The following SYT7 variants were observed in gnomAD, a reference collection of about 807,000 sequenced individuals.
The protein encoded by SYT7 is synaptotagmin-7.
In SYT7, 29 loss-of-function variants were observed where a neutral mutation model predicts 75.1. The ratio of observed to expected loss-of-function variants is 0.39; its 90% confidence interval spans 0.29 to 0.53. SYT7 has a LOEUF of 0.53. Ranked by LOEUF, SYT7 falls within the 20% of genes least tolerant of loss-of-function variation. SYT7 has a pLI of 0.77. For synonymous variants in SYT7, 376 were observed against 401.7 expected (o/e 0.94, Z 0.76); for missense variants, 693 against 953.2 (o/e 0.73, Z 3.59).
rs760812722 is a variant in SYT7, at chr11:61,523,920, A to G, written c.1663T>C (p.Leu555=). Residue 555 remains leucine (L), a synonymous_variant, in exon 11 of 13, where the codon TTG becomes CTG. Transcript: ENST00000539008. The surrounding 1 kb of genome is among the most constrained non-coding windows in gnomAD (Gnocchi z 5.0). ...GCAGAGGGGTTGTAGCAGAGAGACA[A>G]GAGCAGCTCCCCTCGGCTCCCCTGG... ...DGSGSRGELL[L]SLCYNPSANS... The G allele has an allele frequency of 1.2e-6, 2 of 1,613,886 alleles. No homozygotes were observed. The highest frequency in any genetic ancestry group is 1.7e-5 in the Admixed American group (1 of 59,988).
In SYT7 at chr11:61,517,828, G is replaced by A. The variant is rs2062186656; in HGVS notation, c.*799C>T. On this transcript the variant is annotated 3_prime_UTR_variant, in exon 13 of 13. Coordinates refer to ENST00000539008, the MANE Select transcript of SYT7 (RefSeq NM_001365809.2). ...TACTTCAGATTCTGAGCAGAGGGGG[G>A]CACCAAGGGGAGAAGGGGAGGAGAC... 1 of 209,118 alleles carries A rather than the reference G, an allele frequency of 4.8e-6. No individual in the cohort carries two copies. The highest frequency in any genetic ancestry group is 5.9e-5 in the Admixed American group (1 of 16,848). The allele number at this position is 209,118 out of a possible 1,614,324, so 13.0% of individuals were successfully genotyped here.
intron 1 of SYT7, among the ~76,000 whole-genome samples, chr11:61,562,064 A>G (rs529417306): frequency 8.1e-5 from 12 of 148,848 alleles, no homozygotes; most frequent in South Asian, 2.1e-4. Flanking sequence ...ACACACACAC[A>G]CACGCACGCA....
chr11:61,561,502 C>G (rs975556870), intron 1 of SYT7, among the ~76,000 whole-genome samples: 1 of 152,190 alleles, frequency 6.6e-6, no homozygotes, highest in Non-Finnish European at 1.5e-5. Flanking sequence ...ATGCCACCCC[C>G]CAAGGAGATC....
intron 8 of SYT7, chr11:61,530,904 T>C: frequency 2.0e-6 from 2 of 985,404 alleles, no homozygotes; most frequent in Non-Finnish European, 2.4e-6. Flanking sequence ...GGGAAGGTGC[T>C]TCCTGAGCGC....
At chr11:61,579,874 G>T (rs2064197465) in intron 1 of SYT7, among the ~76,000 whole-genome samples, 1 of 152,218 alleles carries the variant, frequency 6.6e-6, no homozygotes, top group Non-Finnish European at 1.5e-5. Flanking sequence ...ACTGGGTGGA[G>T]CACCCCAGGT....
At chr11:61,554,671 C>T (rs957037689) in intron 2 of SYT7, among the ~76,000 whole-genome samples, 2 of 152,160 alleles carry the variant, frequency 1.3e-5, no homozygotes, top group Non-Finnish European at 2.9e-5. Flanking sequence ...CCCCAGCCTC[C>T]GAGGACACTC....
intron 1 of SYT7, among the ~76,000 whole-genome samples, chr11:61,572,118 G>GC (rs1052453775): frequency 7.4e-6 from 1 of 135,282 alleles, no homozygotes; most frequent in African/African-American, 3.1e-5. Flanking sequence ...AATGAGGTTG[G>GC]GGGGGGGGCA....
chr11:61,551,352 G>A lies in SYT7; in HGVS notation c.215+32C>T, dbSNP rs17849202. On this transcript the variant is annotated intron_variant, in intron 3 of 12. Transcript: ENST00000539008. This position sits in a 1 kb window ranked among gnomAD's most constrained non-coding sequence, Gnocchi z 5.3. ...TCCTCCCACCTGGGCTGCTTGTGTG[G>A]CCCCATCCCAAACTAGCAGCCTGGC... 9.3e-5 allele frequency: 149 copies of A among 1,608,928 alleles called. No homozygotes were observed. In the East Asian group the frequency reaches 2.0e-3, roughly 21 times the overall value.
intron 8 of SYT7, chr11:61,530,885 T>A (rs961646024): frequency 4.1e-5 from 40 of 985,238 alleles, no homozygotes; most frequent in Non-Finnish European, 4.8e-5. Context: ...GGCCACCCCA[T>A]CACAGTCAGG....
rs890121052 is a variant in SYT7 at position 61,531,819 on chromosome 11, G to A, written c.1200+1170C>T. 6.0e-5 allele frequency among the ~76,000 whole-genome samples: 9 copies of A among 150,636 alleles called. No individual in the cohort carries two copies. The South Asian group carries it at 8.4e-4, about 14-fold the overall frequency. On this transcript the variant is annotated intron_variant, in intron 8 of 12. Transcript: ENST00000539008. ...TGAGGGAGGAGAATCACTTGAGCTCGGGAGGCAGATGTTGCAGTGAGTTGA... is the reference window on the plus strand; with the variant it reads ...TGAGGGAGGAGAATCACTTGAGCTCAGGAGGCAGATGTTGCAGTGAGTTGA...
chr11:61,550,479 G>T (rs2063317761), intron 3 of SYT7, among the ~76,000 whole-genome samples: 1 of 152,170 alleles, frequency 6.6e-6, no homozygotes, highest in Admixed American at 6.5e-5. Flanking sequence ...GAGGGAGGAA[G>T]AGTGGAGGTA....
intron 8 of SYT7, among the ~76,000 whole-genome samples, chr11:61,529,636 T>C (rs1333746873): frequency 6.6e-6 from 1 of 152,124 alleles, no homozygotes; most frequent in African/African-American, 2.4e-5. Context: ...ACCCTCATGA[T>C]AGTTTTTTGT....
Position 61,524,561 on chromosome 11 carries a change from AGGG to A in SYT7, c.1472-32_1472-30del. 1 of 1,540,452 alleles carries A rather than the reference AGGG, an allele frequency of 6.5e-7. No homozygotes were observed. Among genetic ancestry groups the A allele is most frequent in the African/African-American group, 1.4e-5 (1 of 72,940 alleles). On this transcript the variant is annotated intron_variant, in intron 9 of 12. Transcript: ENST00000539008. This position sits in a 1 kb window ranked among gnomAD's most constrained non-coding sequence, Gnocchi z 4.1. ...GGGGTATAGATGAGTGTGAGTGAAGAGGGGGACAGAGGGGCTGCACGGGGCCCG... is the reference window on the plus strand; with the variant it reads ...GGGGTATAGATGAGTGTGAGTGAAGAGGACAGAGGGGCTGCACGGGGCCCG...
At chr11:61,540,876 G>A (rs1032360251) in intron 6 of SYT7, 1 of 985,388 alleles carries the variant, frequency 1.0e-6, no homozygotes. Context: ...CCGCCACCTG[G>A]AAGACCGGAG....
At position 61,577,300 on chromosome 11, in the gene SYT7, G is replaced by A. The variant is rs538166360; in HGVS notation, c.31+3490C>T. On this transcript the variant is annotated intron_variant, in intron 1 of 12. Transcript: ENST00000539008. Reference sequence around the variant, plus strand: ...GTCCTGGCCTGTGGGGAGATCATTCGATCTTCAGTCCGGACTCTAACTCAA... The same window carrying A: ...GTCCTGGCCTGTGGGGAGATCATTCAATCTTCAGTCCGGACTCTAACTCAA... Among the ~76,000 whole-genome samples, 12 of 152,366 alleles carry A rather than the reference G, an allele frequency of 7.9e-5. No homozygotes were observed. In the South Asian group the frequency reaches 1.4e-3, roughly 18 times the overall value.
At chr11:61,543,670 T>A (rs529836787) in intron 5 of SYT7, among the ~76,000 whole-genome samples, 1 of 152,306 alleles carries the variant, frequency 6.6e-6, no homozygotes, top group East Asian at 1.9e-4. Context: ...TCTAATGAGG[T>A]TGGGCTGTGT....
chr11:61,555,957 G>C, intron 2 of SYT7, 147 bp downstream of exon 2: 1 of 682,414 alleles, frequency 1.5e-6, no homozygotes, highest in Non-Finnish European at 2.5e-6. Flanking sequence ...GAATTTCTAT[G>C]GAAGTGCCCC....
intron 3 of SYT7, 115 bp from the exon 4 acceptor site, chr11:61,547,423 G>A: frequency 8.2e-7 from 1 of 1,215,288 alleles, no homozygotes; most frequent in South Asian, 1.5e-5. Context: ...ACAGTGGGCG[G>A]GGCTTCGTGG....
At chr11:61,566,699 T>C (rs2063778409) in intron 1 of SYT7, among the ~76,000 whole-genome samples, 1 of 152,200 alleles carries the variant, frequency 6.6e-6, no homozygotes, top group South Asian at 2.1e-4. Context: ...GGACGTGTGA[T>C]GATTAAGTGT....
Sources: gnomAD v4.1 joint callset for allele counts (sites outside exome capture counted in the v4.1 genomes callset) on GRCh38, gnomAD v4.1.1 for gene constraint, Gnocchi (gnomAD v3.1) non-coding constraint, MANE v1.5 for transcripts, NCBI Gene and HGNC (gene_info 2026-07-23, HGNC 2026-07-21) for gene names.